The following HBS1L variants were observed in gnomAD, a reference collection of about 807,000 sequenced individuals.
HBS1L encodes HBS1-like protein.
HBS1L carries 55 observed loss-of-function variants against 88.9 expected under a neutral mutation model. The ratio of observed to expected loss-of-function variants is 0.62; its 90% CI spans 0.50 to 0.77. The LOEUF is 0.77. Ranked by LOEUF, HBS1L falls within the 30% of genes least tolerant of loss-of-function variation. The pLI is 0.00. For synonymous variants in HBS1L, 267 were observed against 288.5 expected (o/e 0.93, Z 0.76); for missense variants, 741 against 829.3 (o/e 0.89, Z 1.31).
chr6:135,037,994 C>T (rs1032953734), intron 4 of HBS1L: 2 of 1,523,548 alleles, frequency 1.3e-6, no homozygotes, highest in African/African-American at 2.8e-5. Context: ...TGAACATTAT[C>T]AGCTGAAACT....
intron 4 of HBS1L, among the ~76,000 whole-genome samples, chr6:135,031,984 C>A (rs1422844378): frequency 2.0e-5 from 3 of 151,636 alleles, no homozygotes; most frequent in African/African-American, 7.3e-5. Flanking sequence ...ATTTCCTTTG[C>A]CTTGCACTGT....
chr6:134,978,544 T>C (rs10484496), intron 15 of HBS1L, 135 bp downstream of exon 15: 158,825 of 459,610 alleles, frequency 0.35, 28,307 homozygotes, highest in Non-Finnish European at 0.38. Context: ...AATTATAAGT[T>C]TTTCTGGATT....
In HBS1L at chr6:134,986,170, C is replaced by T. The variant is rs1459298979; in HGVS notation, c.1319G>A (p.Gly440Asp). ...ACTGAGACCACTTGTAGGAATAAAA[C>T]CTACATCACTCTCCTATTAAAAAGA... ...KQAGFKESDV[G>D]FIPTSGLSGE... is the part of the protein sequence containing the mutation. Residue 440 changes from glycine to aspartate, a missense_variant, in exon 11 of 18, where the codon GGT (glycine) becomes GAT (aspartate). By Grantham distance (94) the Gly-to-Asp change is moderately conservative. This residue lies in a region of HBS1L where 556 missense variants were observed against 598.4 expected (regional missense o/e 0.93). Transcript: ENST00000367837. The T allele has an allele frequency of 1.3e-6, 2 of 1,521,928 alleles. No homozygotes were observed. The highest frequency in any genetic ancestry group is 1.8e-6 in the Non-Finnish European group (2 of 1,100,702). The allele number at this position is 1,521,928 out of a possible 1,614,324, so 94.3% of individuals were successfully genotyped here. A position where few individuals can be genotyped will look rare whatever the true frequency, so the allele number is the denominator to read the frequency against.
At chr6:134,972,401 G>T (rs143587584) in intron 15 of HBS1L, among the ~76,000 whole-genome samples, 124 of 152,258 alleles carry the variant, frequency 8.1e-4, no homozygotes, top group African/African-American at 2.9e-3. Flanking sequence ...ATATCCATAT[G>T]CAAAACAATG....
At chr6:134,968,839 G>A (rs138553184) in intron 16 of HBS1L, among the ~76,000 whole-genome samples, 120 of 152,162 alleles carry the variant, frequency 7.9e-4, no homozygotes, top group African/African-American at 2.8e-3. Flanking sequence ...CTTAGCATAG[G>A]GAATGATCTT....
At chr6:135,031,271 T>G (rs934200130) in intron 4 of HBS1L, among the ~76,000 whole-genome samples, 2 of 152,104 alleles carry the variant, frequency 1.3e-5, no homozygotes, top group African/African-American at 4.8e-5. Flanking sequence ...ATGTTATGTA[T>G]TCACTGATTG....
At chr6:135,021,327 A>C (rs1403303214) in intron 4 of HBS1L, among the ~76,000 whole-genome samples, 1 of 152,088 alleles carries the variant, frequency 6.6e-6, no homozygotes, top group African/African-American at 2.4e-5. Flanking sequence ...GTTCTCAATA[A>C]ACAATATTAT....
At chr6:135,020,470 G>C (rs1305286251) in intron 4 of HBS1L, among the ~76,000 whole-genome samples, 2 of 151,904 alleles carry the variant, frequency 1.3e-5, no homozygotes, top group Non-Finnish European at 2.9e-5. Flanking sequence ...AATTTTCAGG[G>C]ACACAAGGTA....
intron 13 of HBS1L, among the ~76,000 whole-genome samples, chr6:134,979,967 T>C (rs1007402281): frequency 2.6e-5 from 4 of 152,068 alleles, no homozygotes; most frequent in Admixed American, 2.6e-4. Context: ...TACCTAGACA[T>C]AGTCCTGAAG....
chr6:135,036,258 T>C lies in HBS1L; in HGVS notation c.430+3315A>G, dbSNP rs776447737. On this transcript the variant is annotated intron_variant, in intron 4 of 17. Transcript: ENST00000367837. ...AAAAAATATTTCATTATAAAAAACATAGAAAGTTGAATGCTTCAAACAAAA... is the reference window on the plus strand; with the variant it reads ...AAAAAATATTTCATTATAAAAAACACAGAAAGTTGAATGCTTCAAACAAAA... The C allele has an allele frequency of 5.5e-4, 535 of 971,660 alleles. 1 individual carries two copies. Among genetic ancestry groups the C allele is most frequent in the Middle Eastern group, 2.5e-3 (5 of 1,992 alleles). 60.2% of individuals were successfully genotyped at this position (971,660 alleles called of 1,614,324 possible).
intron 1 of HBS1L, among the ~76,000 whole-genome samples, chr6:135,052,974 A>G (rs1017470843): frequency 6.6e-6 from 1 of 152,232 alleles, no homozygotes; most frequent in African/African-American, 2.4e-5. Context: ...AGAAAGCCTA[A>G]CTGGGAAGAA....
intron 4 of HBS1L, among the ~76,000 whole-genome samples, chr6:135,034,074 T>G (rs1776461900): frequency 6.6e-6 from 1 of 152,110 alleles, no homozygotes; most frequent in African/African-American, 2.4e-5. Flanking sequence ...GCATTAGTAT[T>G]ATGGTGCACT....
chr6:134,981,071 AAAG>A (rs1774817460), intron 13 of HBS1L, among the ~76,000 whole-genome samples: 1 of 151,978 alleles, frequency 6.6e-6, no homozygotes, highest in African/African-American at 2.4e-5. Context: ...AGAGGAGGGT[AAAG>A]AATGTGAGAC....
intron 7 of HBS1L, among the ~76,000 whole-genome samples, chr6:134,994,455 T>C (rs1274981852): frequency 6.6e-6 from 1 of 152,144 alleles, no homozygotes; most frequent in Non-Finnish European, 1.5e-5. Context: ...TAGTGCCTTT[T>C]TTCAGCCACA....
intron 5 of HBS1L, among the ~76,000 whole-genome samples, chr6:134,999,959 A>C (rs1205675462): frequency 6.6e-6 from 1 of 152,232 alleles, no homozygotes; most frequent in Non-Finnish European, 1.5e-5. Flanking sequence ...TTTCAGGCCT[A>C]TAATTAATTA....
intron 7 of HBS1L, among the ~76,000 whole-genome samples, chr6:134,995,241 T>C (rs1342024392): frequency 1.3e-5 from 2 of 152,124 alleles, no homozygotes; most frequent in Non-Finnish European, 2.9e-5. Context: ...TTTACTAATT[T>C]CTGTTCTTCA....
At chr6:135,040,165 C>T (rs985552939) in intron 3 of HBS1L, among the ~76,000 whole-genome samples, 4 of 152,144 alleles carry the variant, frequency 2.6e-5, no homozygotes, top group Admixed American at 6.6e-5. Context: ...CAGTTATTCA[C>T]GAAGTATATT....
At chr6:135,014,212 A>G (rs1775852494) in intron 4 of HBS1L, among the ~76,000 whole-genome samples, 1 of 152,226 alleles carries the variant, frequency 6.6e-6, no homozygotes, top group Non-Finnish European at 1.5e-5. Flanking sequence ...TCTGCTGGTC[A>G]GAATCTTATT....
In HBS1L at chr6:135,043,601, C is replaced by T. The variant is rs575046798; in HGVS notation, c.110-1475G>A. Among the ~76,000 whole-genome samples, 10 of 152,236 alleles carry T rather than the reference C, an allele frequency of 6.6e-5. No individual in the cohort carries two copies. In the East Asian group the frequency reaches 9.6e-4, roughly 15 times the overall value. ...TAGAAGGGAGGGCAAAGAAGAAAAA[C>T]GTAATGACTTATTCTAAAAGCCAAA... On this transcript the variant is annotated intron_variant, in intron 2 of 17. Coordinates refer to ENST00000367837, the MANE Select transcript of HBS1L (RefSeq NM_006620.4).
Sources: allele counts gnomAD v4.1 joint callset (sites outside exome capture counted in the v4.1 genomes callset), GRCh38; gene constraint gnomAD v4.1.1; regional missense constraint gnomAD v4.1.1; transcripts MANE v1.5; gene names NCBI Gene and HGNC (gene_info 2026-07-23, HGNC 2026-07-21).